Variants in MLIP observed in about 807,000 individuals in gnomAD.
MLIP encodes muscular LMNA-interacting protein.
A neutral mutation model predicts 84.8 loss-of-function variants in MLIP; 79 were observed. The ratio of observed to expected loss-of-function variants is 0.93; its 90% CI spans 0.78 to 1.12. The LOEUF (loss-of-function observed/expected upper bound fraction) is 1.12. Ranked by LOEUF, MLIP falls within the 50% of genes most tolerant of loss-of-function variation. The pLI is 0.00. For missense variants in MLIP, 1,257 were observed against 1,160.6 expected (o/e 1.08, Z -1.21); for synonymous variants, 504 against 463.0 (o/e 1.09, Z -1.14).
At chr6:54,076,485 C>T (rs1307564775) in intron 1 of MLIP, among the ~76,000 whole-genome samples, 1 of 152,166 alleles carries the variant, frequency 6.6e-6, no homozygotes, top group East Asian at 1.9e-4. Context: ...ACTACTGGAC[C>T]TGTTTCTGAA....
chr6:54,199,311 T>C lies in MLIP; in HGVS notation c.2590-2794T>C, dbSNP rs189040331. Among the ~76,000 whole-genome samples the C allele has an allele frequency of 5.9e-4, 90 of 152,250 alleles. 1 individual carries two copies. Among genetic ancestry groups the C allele is most frequent in the African/African-American group, 2.1e-3 (88 of 41,570 alleles). ...TCACACCAAACATGGATTTAAACCT[T>C]AACATATTAACTGCATGACTTTGGC... On this transcript the variant is annotated intron_variant, in intron 10 of 13. Transcript: ENST00000502396.
intron 1 of MLIP, among the ~76,000 whole-genome samples, chr6:54,073,480 T>G (rs1278353156): frequency 6.6e-6 from 1 of 152,220 alleles, no homozygotes; most frequent in Non-Finnish European, 1.5e-5. Flanking sequence ...TTTACTTTTT[T>G]TCGGTTAGTC....
At chr6:54,201,585 T>A (rs760157958) in intron 10 of MLIP, among the ~76,000 whole-genome samples, 4 of 152,160 alleles carry the variant, frequency 2.6e-5, no homozygotes, top group Non-Finnish European at 5.9e-5. Context: ...AGAGACAATC[T>A]ATTTGCCACC....
At chr6:54,073,148 G>T (rs1471536125) in intron 1 of MLIP, among the ~76,000 whole-genome samples, 1 of 152,218 alleles carries the variant, frequency 6.6e-6, no homozygotes, top group East Asian at 1.9e-4. Context: ...TGCCAGTGGG[G>T]TTGGCCTGAA....
At position 54,230,890 on chromosome 6, in the gene MLIP, C is replaced by G; in HGVS notation, c.2895C>G (p.Thr965=). The change falls in exon 12 of 14, where the codon ACC becomes ACG. Residue 965 remains threonine, a synonymous_variant. Transcript: ENST00000502396. ...SLSDEQENSH[T]LLSHNACNKL... ...GTGATGAACAGGAGAATTCTCACAC[C>G]CTCCTCAGTCACAACGCATGCAACA... 6.2e-7 allele frequency: 1 copy of G among 1,613,986 alleles called. No individual in the cohort carries two copies. The highest frequency in any genetic ancestry group is 8.5e-7 in the Non-Finnish European group (1 of 1,179,936).
At chr6:54,169,607 A>C in intron 9 of MLIP, 35 bp downstream of exon 9, 1 of 1,458,162 alleles carries the variant, frequency 6.9e-7, no homozygotes, top group Non-Finnish European at 9.4e-7. Flanking sequence ...ACTGCTTTTC[A>C]AATGGGTGCC....
chr6:54,151,587 C>A (rs1337706085), intron 5 of MLIP, among the ~76,000 whole-genome samples: 1 of 152,056 alleles, frequency 6.6e-6, no homozygotes, highest in Non-Finnish European at 1.5e-5. Flanking sequence ...CACCACAATT[C>A]AGGGGTAGGT....
chr6:54,119,170 C>T (rs182629058), intron 1 of MLIP, among the ~76,000 whole-genome samples: 1 of 152,196 alleles, frequency 6.6e-6, no homozygotes, highest in African/African-American at 2.4e-5. Flanking sequence ...ACCATATGAT[C>T]TAGCAATCCC....
At chr6:54,079,654 A>G (rs578041553) in intron 1 of MLIP, 1 of 152,326 alleles carries the variant, frequency 6.6e-6, no homozygotes, top group Non-Finnish European at 1.5e-5. Flanking sequence ...CTGAAATGTC[A>G]TCTTTACCTT....
intron 11 of MLIP, among the ~76,000 whole-genome samples, chr6:54,227,584 C>T (rs146667220): frequency 1.3e-5 from 2 of 152,166 alleles, no homozygotes; most frequent in African/African-American, 4.8e-5. Context: ...TGTGTGCTTC[C>T]AGAGAGAGAG....
chr6:54,256,670 A>G (rs1184763110), intron 12 of MLIP, among the ~76,000 whole-genome samples: 1 of 151,880 alleles, frequency 6.6e-6, no homozygotes, highest in Non-Finnish European at 1.5e-5. Context: ...TAGCTCTCAG[A>G]AGACCCACAT....
At chr6:54,149,588 A>G (rs1436260765) in intron 5 of MLIP, among the ~76,000 whole-genome samples, 1 of 152,082 alleles carries the variant, frequency 6.6e-6, no homozygotes, top group African/African-American at 2.4e-5. Flanking sequence ...CTATACTGAT[A>G]CTCAGATATT....
intron 12 of MLIP, among the ~76,000 whole-genome samples, chr6:54,232,013 T>G (rs1019324165): frequency 7.9e-5 from 12 of 152,140 alleles, no homozygotes; most frequent in African/African-American, 2.9e-4. Context: ...ATCAGTTTTT[T>G]GCCAAAAAAT....
chr6:54,235,056 C>T (rs1781272396), intron 12 of MLIP, among the ~76,000 whole-genome samples: 3 of 152,148 alleles, frequency 2.0e-5, no homozygotes, highest in African/African-American at 4.8e-5. Context: ...CAAACTAGTT[C>T]TGCACTGGCT....
chr6:54,214,990 A>C (rs1264956077), intron 11 of MLIP: 2 of 586,940 alleles, frequency 3.4e-6, no homozygotes, highest in Non-Finnish European at 5.9e-6. Context: ...TCCCCAGGAA[A>C]TAAAGGAGAC....
intron 3 of MLIP, among the ~76,000 whole-genome samples, chr6:54,126,045 C>G (rs901716109): frequency 1.3e-5 from 2 of 151,686 alleles, no homozygotes; most frequent in Non-Finnish European, 2.9e-5. Context: ...TCTTGAAGTT[C>G]GTTCTTAGCT....
chr6:54,044,323 G>T (rs1764911351), intron 1 of MLIP, among the ~76,000 whole-genome samples: 1 of 152,182 alleles, frequency 6.6e-6, no homozygotes, highest in Non-Finnish European at 1.5e-5. Context: ...CCACTGATGT[G>T]CCTTGAGTTG....
At chr6:54,181,326 G>A (rs1776843501) in intron 9 of MLIP, among the ~76,000 whole-genome samples, 1 of 152,080 alleles carries the variant, frequency 6.6e-6, no homozygotes, top group South Asian at 2.1e-4. Context: ...GGTCTGCTGG[G>A]CCACCACTGA....
intron 3 of MLIP, among the ~76,000 whole-genome samples, chr6:54,127,485 G>A (rs1264600997): frequency 2.0e-5 from 3 of 152,068 alleles, no homozygotes; most frequent in Non-Finnish European, 4.4e-5. Context: ...AAGCTGTTTT[G>A]TTCTCTCAGT....
Sources: gnomAD v4.1 joint callset for allele counts (sites outside exome capture counted in the v4.1 genomes callset) on GRCh38, gnomAD v4.1.1 for gene constraint, MANE v1.5 for transcripts, NCBI Gene and HGNC (gene_info 2026-07-23, HGNC 2026-07-21) for gene names.